Variants in UNC5D observed in about 807,000 individuals in gnomAD.
The protein encoded by UNC5D is netrin receptor UNC5D.
UNC5D carries 39 observed loss-of-function variants against 105.4 expected under a neutral mutation model. The ratio of observed to expected loss-of-function variants is 0.37; its 90% CI spans 0.29 to 0.48. The LOEUF is 0.48. Ranked by LOEUF, UNC5D falls within the 20% of genes least tolerant of loss-of-function variation. The probability of loss-of-function intolerance (pLI) is 0.98; values close to 1 mark genes in which losing one functional copy is unlikely to be tolerated. For synonymous variants in UNC5D, 452 were observed against 450.4 expected (o/e 1.00, Z -0.04); for missense variants, 991 against 1,202.4 (o/e 0.82, Z 2.60).
Position 35,754,597 on chromosome 8 carries a change from C to T in UNC5D, c.2163+3788C>T, listed in dbSNP as rs548802083. On this transcript the variant is annotated intron_variant, in intron 13 of 16. Coordinates refer to ENST00000404895, the MANE Select transcript of UNC5D (RefSeq NM_080872.4). Reference sequence around the variant, plus strand: ...AGGAACGTGTAGAGACTCAACTCCACCTGTCCTCTCAGAACTGGGTGGGGA... The same window carrying T: ...AGGAACGTGTAGAGACTCAACTCCATCTGTCCTCTCAGAACTGGGTGGGGA... 8.5e-5 allele frequency among the ~76,000 whole-genome samples: 13 copies of T among 152,272 alleles called. No individual in the cohort carries two copies. The South Asian group carries it at 2.3e-3, about 27-fold the overall frequency.
chr8:35,325,190 G>A (rs774674017), intron 1 of UNC5D, among the ~76,000 whole-genome samples: 1 of 152,118 alleles, frequency 6.6e-6, no homozygotes, highest in Non-Finnish European at 1.5e-5. Flanking sequence ...AGAATTTGGG[G>A]CTTTGGGGTT....
Position 35,789,161 on chromosome 8 carries a change from ATATATATAT to A in UNC5D, c.2658-1197_2658-1189del, listed in dbSNP as rs1802899295. Among the ~76,000 whole-genome samples, 7 of 89,828 alleles carry A rather than the reference ATATATATAT, an allele frequency of 7.8e-5. 1 individual carries two copies. In the South Asian group the frequency reaches 2.6e-3, roughly 34 times the overall value. 58.9% of individuals were successfully genotyped at this position (89,828 alleles called of 152,430 possible). A position where few individuals can be genotyped will look rare whatever the true frequency, so the allele number is the denominator to read the frequency against. ...ACTATATATATATATATATATATAT[ATATATATAT>A]ATATATATATATATATATGAGATAG... On this transcript the variant is annotated intron_variant, in intron 16 of 16. Coordinates refer to ENST00000404895, the MANE Select transcript of UNC5D (RefSeq NM_080872.4).
intron 16 of UNC5D, among the ~76,000 whole-genome samples, chr8:35,782,501 A>AT (rs1563759520): frequency 1.3e-4 from 19 of 149,536 alleles, no homozygotes; most frequent in East Asian, 1.2e-3. Flanking sequence ...ACTACTCAAA[A>AT]ATTTTTTTTT....
intron 7 of UNC5D, among the ~76,000 whole-genome samples, chr8:35,693,432 A>G (rs922390436): frequency 3.3e-5 from 5 of 152,188 alleles, no homozygotes; most frequent in East Asian, 1.9e-4. Flanking sequence ...TCCCTTCTCA[A>G]TGAAGACTGG....
At chr8:35,377,854 T>C (rs1181453384) in intron 1 of UNC5D, among the ~76,000 whole-genome samples, 1 of 152,232 alleles carries the variant, frequency 6.6e-6, no homozygotes, top group Non-Finnish European at 1.5e-5. Flanking sequence ...AGTTTTCCTC[T>C]GGAGATAAGT....
intron 1 of UNC5D, among the ~76,000 whole-genome samples, chr8:35,404,702 C>T (rs979766155): frequency 1.3e-5 from 2 of 152,112 alleles, no homozygotes; most frequent in Non-Finnish European, 2.9e-5. Flanking sequence ...ATTCTCCTGC[C>T]TCAGCCTCCC....
At chr8:35,458,505 T>C (rs1027085816) in intron 1 of UNC5D, among the ~76,000 whole-genome samples, 1 of 152,064 alleles carries the variant, frequency 6.6e-6, no homozygotes, top group Non-Finnish European at 1.5e-5. Context: ...CTTTAATTAA[T>C]AGCATCTAAA....
chr8:35,584,263 G>C lies in UNC5D; in HGVS notation c.467-11291G>C, dbSNP rs73674032. ...ATGAGTGAATACAATCGACGGAAAA[G>C]TTAAGACCATTAGGGCAATAGCGAG... On this transcript the variant is annotated intron_variant, in intron 3 of 16. Transcript: ENST00000404895. Among the ~76,000 whole-genome samples the C allele has an allele frequency of 7.8e-3, 1,189 of 152,226 alleles. 12 individuals carry two copies. The highest frequency in any genetic ancestry group is 0.027 in the African/African-American group (1,103 of 41,536).
intron 1 of UNC5D, among the ~76,000 whole-genome samples, chr8:35,438,727 T>C (rs1270416376): frequency 1.3e-5 from 2 of 151,938 alleles, no homozygotes; most frequent in Admixed American, 6.6e-5. Flanking sequence ...GCTCCAAGTA[T>C]AAGGTTGGAG....
At chr8:35,521,702 A>G (rs1403595315) in intron 1 of UNC5D, among the ~76,000 whole-genome samples, 1 of 152,160 alleles carries the variant, frequency 6.6e-6, no homozygotes, top group Non-Finnish European at 1.5e-5. Flanking sequence ...TTTCAATTGA[A>G]TCTTAAAAGA....
chr8:35,603,398 A>G (rs970747951), intron 4 of UNC5D, among the ~76,000 whole-genome samples: 2 of 152,128 alleles, frequency 1.3e-5, no homozygotes, highest in East Asian at 1.9e-4. Context: ...TTGCACTGTT[A>G]TCTGAGAGAC....
intron 1 of UNC5D, among the ~76,000 whole-genome samples, chr8:35,320,050 C>G (rs776290701): frequency 6.6e-6 from 1 of 151,922 alleles, no homozygotes; most frequent in Non-Finnish European, 1.5e-5. Flanking sequence ...TATGAGTGAC[C>G]GGTGGCCCAT....
intron 1 of UNC5D, among the ~76,000 whole-genome samples, chr8:35,360,135 T>C (rs2128917254): frequency 1.3e-5 from 2 of 152,288 alleles, no homozygotes; most frequent in East Asian, 3.9e-4. Context: ...TTCATGTCCC[T>C]GTGCCATTTA....
chr8:35,491,845 A>G lies in UNC5D; in HGVS notation c.104-57447A>G, dbSNP rs143532685. 3.6e-3 allele frequency among the ~76,000 whole-genome samples: 544 copies of G among 152,304 alleles called. 7 individuals are homozygous for G. The highest frequency in any genetic ancestry group is 0.012 in the African/African-American group (519 of 41,570). The stretch of plus-strand genomic sequence containing the variant: ...TTTAGTTTCCAGAAACTGACCAGCT[A>G]TCAAACACATATATTAAATATTATG... On this transcript the variant is annotated intron_variant, in intron 1 of 16. Coordinates refer to ENST00000404895, the MANE Select transcript of UNC5D (RefSeq NM_080872.4).
chr8:35,541,953 G>T (rs1276723715), intron 1 of UNC5D, among the ~76,000 whole-genome samples: 1 of 151,724 alleles, frequency 6.6e-6, no homozygotes, highest in Non-Finnish European at 1.5e-5. Flanking sequence ...AACTAAGAAT[G>T]GCTCTTTGAT....
intron 1 of UNC5D, among the ~76,000 whole-genome samples, chr8:35,409,282 G>C (rs1221683852): frequency 6.6e-6 from 1 of 151,906 alleles, no homozygotes; most frequent in Non-Finnish European, 1.5e-5. Context: ...AAGTATATGT[G>C]AACTTGTAAC....
intron 1 of UNC5D, among the ~76,000 whole-genome samples, chr8:35,341,989 T>C (rs1811486413): frequency 6.6e-6 from 1 of 152,128 alleles, no homozygotes; most frequent in South Asian, 2.1e-4. Flanking sequence ...CTGTAGAATA[T>C]AGGTCTTCTC....
At chr8:35,753,498 C>T (rs1830380766) in intron 13 of UNC5D, among the ~76,000 whole-genome samples, 1 of 152,080 alleles carries the variant, frequency 6.6e-6, no homozygotes, top group African/African-American at 2.4e-5. Context: ...CTCGATCCGC[C>T]CACCTCAGCC....
intron 1 of UNC5D, among the ~76,000 whole-genome samples, chr8:35,367,533 C>A (rs917867398): frequency 1.3e-5 from 2 of 151,848 alleles, no homozygotes; most frequent in African/African-American, 4.9e-5. Context: ...GGAGGAAGAG[C>A]ATTTGTAATT....
Sources: gnomAD v4.1 joint callset for allele counts (sites outside exome capture counted in the v4.1 genomes callset) on GRCh38, gnomAD v4.1.1 for gene constraint, MANE v1.5 for transcripts, NCBI Gene and HGNC (gene_info 2026-07-23, HGNC 2026-07-21) for gene names.